GLG1: variants seen among roughly 807,000 people sequenced by gnomAD.
GLG1 encodes Golgi apparatus protein 1.
Under a neutral mutation model 160.5 loss-of-function variants are expected in GLG1, and 38 were observed. That is an observed-to-expected ratio of 0.24 (90% CI 0.18 to 0.31). The LOEUF (loss-of-function observed/expected upper bound fraction) is 0.31. Ranked by LOEUF, GLG1 falls within the 10% of genes least tolerant of loss-of-function variation. GLG1 has a pLI of 1.00. For synonymous variants in GLG1, 644 were observed against 543.4 expected (o/e 1.19, Z -2.57); for missense variants, 1,373 against 1,505.2 (o/e 0.91, Z 1.45).
At chr16:74,550,508 C>T (rs2018168956) in intron 1 of GLG1, among the ~76,000 whole-genome samples, 1 of 152,004 alleles carries the variant, frequency 6.6e-6, no homozygotes, top group Non-Finnish European at 1.5e-5. Context: ...TTGGCATGGG[C>T]AGGCGAGAAG....
rs2017800339 is a variant in GLG1, at chr16:74,540,040, ATATATAT to A, written c.439-7894_439-7888del. On this transcript the variant is annotated intron_variant, in intron 1 of 25. Coordinates refer to ENST00000422840, the MANE Select transcript of GLG1 (RefSeq NM_001145667.2). Reference sequence around the variant, plus strand: ...TATATATATATTATATATATTTTATATATATATTATATATATTTTATATATATATATT... The same window carrying A: ...TATATATATATTATATATATTTTATATATATATATTTTATATATATATATT... Among the ~76,000 whole-genome samples, 27 of 9,144 alleles carry A rather than the reference ATATATAT, an allele frequency of 3.0e-3. 7 individuals carry two copies. The highest frequency in any genetic ancestry group is 3.9e-3 in the South Asian group (1 of 254). The allele number at this position is 9,144 out of a possible 152,430, so 6.0% of individuals were successfully genotyped here.
In GLG1 at chr16:74,457,988, G is replaced by A; in HGVS notation, c.3151C>T (p.Leu1051=). The A allele has an allele frequency of 6.2e-7, 1 of 1,613,736 alleles. No individual in the cohort carries two copies. Among genetic ancestry groups the A allele is most frequent in the African/African-American group, 1.3e-5 (1 of 75,040 alleles). Residue 1051 remains leucine, a synonymous_variant, in exon 24 of 26, where the codon CTA becomes TTA. Coordinates refer to ENST00000422840, the MANE Select transcript of GLG1 (RefSeq NM_001145667.2). ...IKTELCKKEV[L]NMLKESKADI... ...GCTTTGCTTTCCTTCAGCATGTTTA[G>A]CACTTCCTGGAAAGGGAGGGTCATT... is the stretch of plus-strand genomic sequence containing the variant.
chr16:74,605,564 G>A (rs1457177484), intron 1 of GLG1, among the ~76,000 whole-genome samples: 1 of 152,038 alleles, frequency 6.6e-6, no homozygotes, highest in African/African-American at 2.4e-5. Context: ...ATTTCTAGGG[G>A]CTCTGGAAAC....
intron 1 of GLG1, among the ~76,000 whole-genome samples, chr16:74,601,894 C>T (rs1413586956): frequency 6.6e-6 from 1 of 152,154 alleles, no homozygotes; most frequent in Non-Finnish European, 1.5e-5. Context: ...AAAGGACTTC[C>T]TGAACACCAG....
chr16:74,532,219 C>T, intron 1 of GLG1, 66 bp from the exon 2 acceptor site: 2 of 585,078 alleles, frequency 3.4e-6, no homozygotes, highest in Non-Finnish European at 5.3e-6. Context: ...TATAGAGAAC[C>T]TTTCAAGTTT....
At chr16:74,560,371 AGGCT>A (rs1466934087) in intron 1 of GLG1, among the ~76,000 whole-genome samples, 10 of 118,066 alleles carry the variant, frequency 8.5e-5, no homozygotes, top group Non-Finnish European at 1.5e-4. Flanking sequence ...TCTGTCGCCC[AGGCT>A]GGAGTGCAAT....
intron 1 of GLG1, among the ~76,000 whole-genome samples, chr16:74,590,083 C>A (rs1346008567): frequency 6.6e-6 from 1 of 151,984 alleles, no homozygotes; most frequent in Non-Finnish European, 1.5e-5. Flanking sequence ...CTGCAAGCTC[C>A]GCCTCCAGGG....
chr16:74,474,740 C>T (rs1306598584), intron 12 of GLG1, 108 bp from the exon 13 acceptor site: 18 of 736,552 alleles, frequency 2.4e-5, no homozygotes, highest in Non-Finnish European at 5.0e-6. Flanking sequence ...CCTCCTTTCT[C>T]TTCTTTTTAA....
At chr16:74,547,475 A>G (rs2018080112) in intron 1 of GLG1, among the ~76,000 whole-genome samples, 1 of 152,210 alleles carries the variant, frequency 6.6e-6, no homozygotes, top group Non-Finnish European at 1.5e-5. Flanking sequence ...TATTTATGAC[A>G]AAGTATATAT....
intron 3 of GLG1, among the ~76,000 whole-genome samples, chr16:74,508,163 T>C (rs2016680626): frequency 6.6e-6 from 1 of 152,208 alleles, no homozygotes; most frequent in East Asian, 1.9e-4. Context: ...CCTGACTTAA[T>C]TCATCAATAG....
At chr16:74,505,430 A>G (rs1176135901) in intron 3 of GLG1, among the ~76,000 whole-genome samples, 1 of 152,200 alleles carries the variant, frequency 6.6e-6, no homozygotes, top group African/African-American at 2.4e-5. Flanking sequence ...TGCCTAAAAG[A>G]GGGCCATGGC....
chr16:74,527,245 CTTTTTT>C (rs71158522), intron 2 of GLG1, among the ~76,000 whole-genome samples: 2 of 83,104 alleles, frequency 2.4e-5, no homozygotes, highest in Admixed American at 1.6e-4. Context: ...TAAGTCAGTT[CTTTTTT>C]TTTTTTTTTT....
At chr16:74,558,924 G>A (rs917302969) in intron 1 of GLG1, among the ~76,000 whole-genome samples, 2 of 152,164 alleles carry the variant, frequency 1.3e-5, no homozygotes, top group African/African-American at 2.4e-5. Flanking sequence ...GTCTCACTCC[G>A]TCACCCAGGC....
intron 3 of GLG1, among the ~76,000 whole-genome samples, chr16:74,506,081 ATT>A (rs71376213): frequency 1.8e-4 from 18 of 101,906 alleles, no homozygotes; most frequent in Admixed American, 3.9e-4. Context: ...CCTGGAAAAG[ATT>A]TTTTTTTTTT....
chr16:74,555,519 T>C (rs1418087859), intron 1 of GLG1, among the ~76,000 whole-genome samples: 3 of 151,572 alleles, frequency 2.0e-5, no homozygotes, highest in African/African-American at 7.3e-5. Context: ...AGACCTCATC[T>C]CTACAAAAAA....
chr16:74,510,578 G>T (rs934873983), intron 2 of GLG1, among the ~76,000 whole-genome samples: 2 of 151,990 alleles, frequency 1.3e-5, no homozygotes, highest in African/African-American at 2.4e-5. Flanking sequence ...TTGGAGGGGG[G>T]TACATTCCTC....
chr16:74,524,976 A>G (rs2017290171), intron 2 of GLG1, among the ~76,000 whole-genome samples: 2 of 152,162 alleles, frequency 1.3e-5, no homozygotes, highest in Non-Finnish European at 2.9e-5. Context: ...TGTAACATGT[A>G]TTAGTACTTC....
chr16:74,531,002 G>C (rs560802205), intron 2 of GLG1, among the ~76,000 whole-genome samples: 1 of 152,066 alleles, frequency 6.6e-6, no homozygotes, highest in African/African-American at 2.4e-5. Context: ...TCTGCATTGT[G>C]AATACTTTTT....
chr16:74,584,350 A>G (rs1234209243), intron 1 of GLG1, among the ~76,000 whole-genome samples: 1 of 152,162 alleles, frequency 6.6e-6, no homozygotes, highest in African/African-American at 2.4e-5. Context: ...TGAACTTGGA[A>G]ATGTTACTAT....
Sources: gnomAD v4.1 joint callset for allele counts (sites outside exome capture counted in the v4.1 genomes callset) on GRCh38, gnomAD v4.1.1 for gene constraint, MANE v1.5 for transcripts, NCBI Gene and HGNC (gene_info 2026-07-23, HGNC 2026-07-21) for gene names.